Variants in FCHSD1 observed in about 807,000 individuals in gnomAD.
FCHSD1 encodes the protein FCH and double SH3 domains 1, also known as F-BAR and double SH3 domains protein 1.
A neutral mutation model predicts 101.3 loss-of-function variants in FCHSD1; 109 were observed. The ratio of observed to expected loss-of-function variants is 1.08; its 90% CI spans 0.92 to 1.26. The LOEUF (loss-of-function observed/expected upper bound fraction) is 1.26, where lower values mean the gene tolerates loss of function less well. Among genes scored for constraint, FCHSD1 ranks in the 50% most tolerant of loss-of-function variants. FCHSD1 has a pLI of 0.00. For missense variants in FCHSD1, 820 were observed against 895.8 expected, an observed-to-expected ratio of 0.92 and a Z score of 1.08; for synonymous variants, 291 against 356.8, an observed-to-expected ratio of 0.82 and a Z score of 2.08.
chr5:141,641,717 T>G lies in FCHSD1; in HGVS notation c.1992A>C (p.Ala664=), dbSNP rs757602874. The change falls in exon 19 of 20, where the codon GCA becomes GCC. Residue 664 remains alanine (A), a synonymous_variant. Transcript: ENST00000435817. The part of the protein sequence containing the change: ...LDFPGFLDMM[A]PRLRPMRPPP... ...GGGCCCTTACCGGCCTGAGTCGAGGTGCCATCATGTCCAGGAACCCAGGGA... is the reference window on the plus strand; with the variant it reads ...GGGCCCTTACCGGCCTGAGTCGAGGGGCCATCATGTCCAGGAACCCAGGGA... 6 of 1,613,856 alleles carry G rather than the reference T, an allele frequency of 3.7e-6. No homozygotes were observed. The highest frequency in any genetic ancestry group is 8.5e-7 in the Non-Finnish European group (1 of 1,179,896).
chr5:141,648,976 A>G lies in FCHSD1; in HGVS notation c.557T>C (p.Leu186Pro), dbSNP rs746006757. Residue 186 changes from leucine (L) to proline (P), a missense_variant, in exon 7 of 20, where the codon CTC becomes CCC. Leu to Pro is a moderately conservative substitution (Grantham distance 98, BLOSUM62 -3). Coordinates refer to ENST00000435817, the MANE Select transcript of FCHSD1 (RefSeq NM_033449.3). ...TCGAACCTTGGTGCTCAGTTTCTGG[A>G]GACTGGTCCGAGAGTGGAAGATCCC... ...DHGIFHSRTSLQKLSTKLSAQ... is the reference protein window; with the variant it reads ...DHGIFHSRTSPQKLSTKLSAQ... 6.2e-7 allele frequency: 1 copy of G among 1,613,882 alleles called. No individual in the cohort carries two copies. The highest frequency in any genetic ancestry group is 8.5e-7 in the Non-Finnish European group (1 of 1,179,870).
At chr5:141,641,825 G>A (rs1177573163) in intron 18 of FCHSD1, 68 bp from the exon 19 acceptor site, 64 of 1,468,246 alleles carry the variant, frequency 4.4e-5, no homozygotes, top group Non-Finnish European at 5.8e-5. Context: ...CCAGCACTTA[G>A]GACAGTGGCA....
At chr5:141,650,674 A>C (rs1401527941) in intron 2 of FCHSD1, among the ~76,000 whole-genome samples, 2 of 151,926 alleles carry the variant, frequency 1.3e-5, no homozygotes, top group Non-Finnish European at 2.9e-5. Flanking sequence ...AGAGGTGAAG[A>C]CTGATGGGGG....
chr5:141,644,894 C>A lies in FCHSD1; in HGVS notation c.1489G>T (p.Val497Phe), dbSNP rs1337370533. The change falls in exon 15 of 20, where the codon GTC (valine) becomes TTC (phenylalanine). Residue 497 changes from valine (V) to phenylalanine (F), a missense_variant. Coordinates refer to ENST00000435817, the MANE Select transcript of FCHSD1 (RefSeq NM_033449.3). ...TCGTCAGCATCTCCCTCCTCTATGA[C>A]CTCCAGCCACTCACCCTCCGTGATT... is the stretch of plus-strand genomic sequence containing the variant. ...LTITEGEWLE[V>F]IEEGDADEWV... The A allele has an allele frequency of 2.4e-5, 38 of 1,613,790 alleles. No homozygotes were observed. Among genetic ancestry groups the A allele is most frequent in the Non-Finnish European group, 2.8e-5 (33 of 1,179,878 alleles).
At position 141,646,594 on chromosome 5, in the gene FCHSD1, C is replaced by G; in HGVS notation, c.1044+9G>C. On this transcript the variant is annotated intron_variant, in intron 11 of 19. Transcript: ENST00000435817. ...AGGTGCACATGACACCTGTGCCCCC[C>G]CACCTCACCCGATGCCCATGGTTCT... is the stretch of plus-strand genomic sequence containing the variant. 1 of 1,609,640 alleles carries G rather than the reference C, an allele frequency of 6.2e-7. No homozygotes were observed. The highest frequency in any genetic ancestry group is 1.1e-5 in the South Asian group (1 of 90,150).
In FCHSD1 at chr5:141,649,608, C is replaced by T; in HGVS notation, c.234-72G>A. On this transcript the variant is annotated intron_variant, in intron 4 of 19. Transcript: ENST00000435817. The surrounding 1 kb of genome is among the most constrained non-coding windows in gnomAD (Gnocchi z 4.1). ...CATGAGACCACCCCCACCCCCTGCC[C>T]CCTGACCAACACCATGGGAGACAGA... 6.5e-7 allele frequency: 1 copy of T among 1,534,286 alleles called. No individual in the cohort carries two copies. Among genetic ancestry groups the T allele is most frequent in the Non-Finnish European group, 8.7e-7 (1 of 1,143,936 alleles).
chr5:141,648,065 T>A lies in FCHSD1; in HGVS notation c.608A>T (p.Gln203Leu), dbSNP rs765407743. 5.6e-6 allele frequency: 9 copies of A among 1,613,464 alleles called. No individual in the cohort carries two copies. The highest frequency in any genetic ancestry group is 1.7e-6 in the Non-Finnish European group (2 of 1,179,646). ...LSAQSAQYSQ[Q>L]LQAARNEYLL... ...GTACTCATTGCGGGCTGCTTGCAGC[T>A]GCTGGGAGTACTGGGCTGACTGGGC... The change falls in exon 8 of 20, where the codon CAG (glutamine) becomes CTG (leucine). Residue 203 changes from glutamine (Q) to leucine (L), a missense_variant. Gln to Leu is a moderately radical substitution (Grantham distance 113). Coordinates refer to ENST00000435817, the MANE Select transcript of FCHSD1 (RefSeq NM_033449.3).
chr5:141,644,543 G>T, intron 16 of FCHSD1, 30 bp downstream of exon 16: 1 of 1,611,794 alleles, frequency 6.2e-7, no homozygotes, highest in Non-Finnish European at 8.5e-7. Flanking sequence ...CATACCCAGG[G>T]TCCTCTAACC....
chr5:141,644,235 G>A lies in FCHSD1; in HGVS notation c.1846C>T (p.Leu616Phe). The A allele has an allele frequency of 6.2e-7, 1 of 1,612,372 alleles. No individual in the cohort carries two copies. The highest frequency in any genetic ancestry group is 1.7e-4 in the Middle Eastern group (1 of 6,048). ...AGCCTCACCTGTTCAGGGTCAGAGA[G>A]TTCAGGTGGCCCTGGGGGGCCAAGC... ...ELLGPPGPPE[L>F]SDPEQMLPSP... is the part of the protein sequence containing the mutation. The change falls in exon 17 of 20, where the codon CTC becomes TTC. Residue 616 changes from leucine to phenylalanine, a missense_variant. Coordinates refer to ENST00000435817, the MANE Select transcript of FCHSD1 (RefSeq NM_033449.3).
chr5:141,651,061 C>A lies in FCHSD1; in HGVS notation c.78G>T (p.Gln26His). The A allele has an allele frequency of 6.3e-7, 1 of 1,599,074 alleles. No homozygotes were observed. The highest frequency in any genetic ancestry group is 8.5e-7 in the Non-Finnish European group (1 of 1,172,538). The change falls in exon 2 of 20, where the codon CAG becomes CAT. Residue 26 changes from glutamine to histidine, a missense_variant. Physicochemically the swap from Gln to His is conservative, Grantham distance 24. Coordinates refer to ENST00000435817, the MANE Select transcript of FCHSD1 (RefSeq NM_033449.3). Reference sequence around the variant, plus strand: ...GATCCGCCTCCCTCTGCTGCCAGGTCTGAAGGATGCTCAGCTGTTCCAGGA... The same window carrying A: ...GATCCGCCTCCCTCTGCTGCCAGGTATGAAGGATGCTCAGCTGTTCCAGGA... ...LRFLEQLSILQTWQQREADLL... is the reference protein window; with the variant it reads ...LRFLEQLSILHTWQQREADLL...
Position 141,641,457 on chromosome 5 carries a change from A to T in FCHSD1, c.*41T>A. 1.4e-6 allele frequency: 2 copies of T among 1,432,370 alleles called. No individual in the cohort carries two copies. Among genetic ancestry groups the T allele is most frequent in the South Asian group, 1.6e-5 (1 of 62,298 alleles). The allele number at this position is 1,432,370 out of a possible 1,614,324, so 88.7% of individuals were successfully genotyped here. A position where few individuals can be genotyped will look rare whatever the true frequency, so the allele number is the denominator to read the frequency against. ...TGGTGTGGTCTGACAGCTTGAAGAT[A>T]GGGACAGCAGCATCACTGGGGGTCA... On this transcript the variant is annotated 3_prime_UTR_variant, in exon 20 of 20. Transcript: ENST00000435817.
rs759534950 is a variant in FCHSD1, at chr5:141,649,031, G to A, written c.513-11C>T. On this transcript the variant is annotated splice_polypyrimidine_tract_variant and intron_variant, in intron 6 of 19. Coordinates refer to ENST00000435817, the MANE Select transcript of FCHSD1 (RefSeq NM_033449.3). This position sits in a 1 kb window ranked among gnomAD's most constrained non-coding sequence, Gnocchi z 4.1. The stretch of plus-strand genomic sequence containing the variant: ...TCACTTCGGTTTAGCCTGTGCAGAT[G>A]AGAGAAAGGAGTCAGGCCCACCCCA... 2.1e-5 allele frequency: 34 copies of A among 1,613,824 alleles called. No homozygotes were observed. Among genetic ancestry groups the A allele is most frequent in the Non-Finnish European group, 2.4e-5 (28 of 1,179,882 alleles).
chr5:141,641,033 A>C lies in FCHSD1; in HGVS notation c.*465T>G. 2 of 360,346 alleles carry C rather than the reference A, an allele frequency of 5.6e-6. No individual in the cohort carries two copies. The highest frequency in any genetic ancestry group is 7.4e-4 in the Middle Eastern group (1 of 1,360). 22.3% of individuals were successfully genotyped at this position (360,346 alleles called of 1,614,324 possible). ...CCCTGGCCTGGCCTTCGTGCCCTTT[A>C]TTCATTGTCAATAAATCCGCTCAGA... is the stretch of plus-strand genomic sequence containing the variant. On this transcript the variant is annotated 3_prime_UTR_variant, in exon 20 of 20. Coordinates refer to ENST00000435817, the MANE Select transcript of FCHSD1 (RefSeq NM_033449.3).
chr5:141,639,436 C>G lies in FCHSD1; in HGVS notation c.*2062G>C. 1 of 1,555,754 alleles carries G rather than the reference C, an allele frequency of 6.4e-7. No homozygotes were observed. The highest frequency in any genetic ancestry group is 8.8e-7 in the Non-Finnish European group (1 of 1,142,368). On this transcript the variant is annotated 3_prime_UTR_variant, in exon 20 of 20. Transcript: ENST00000435817. The surrounding 1 kb of genome is among the most constrained non-coding windows in gnomAD (Gnocchi z 4.4). ...ACATGAAGGGAAATGGAAATGTTAC[C>G]CTCACTCCCCTCCTCCCTGCTGTCC...
chr5:141,649,355 C>T lies in FCHSD1; in HGVS notation c.375+40G>A, dbSNP rs1330511868. On this transcript the variant is annotated intron_variant, in intron 5 of 19. Transcript: ENST00000435817. The surrounding 1 kb of genome is among the most constrained non-coding windows in gnomAD (Gnocchi z 4.1). ...GTCCTTACCTAGACCACCTTTGGTC[C>T]CAAGCCAGCTCTTCCTTCACCCCAA... 1.2e-6 allele frequency: 2 copies of T among 1,613,720 alleles called. No individual in the cohort carries two copies. The highest frequency in any genetic ancestry group is 3.3e-5 in the Admixed American group (2 of 60,010).
Position 141,641,163 on chromosome 5 carries a change from A to C in FCHSD1, c.*335T>G. 1 of 334,686 alleles carries C rather than the reference A, an allele frequency of 3.0e-6. No individual in the cohort carries two copies. The highest frequency in any genetic ancestry group is 5.4e-6 in the Non-Finnish European group (1 of 184,400). The allele number at this position is 334,686 out of a possible 1,614,324, so 20.7% of individuals were successfully genotyped here. On this transcript the variant is annotated 3_prime_UTR_variant, in exon 20 of 20. Coordinates refer to ENST00000435817, the MANE Select transcript of FCHSD1 (RefSeq NM_033449.3). Reference sequence around the variant, plus strand: ...CCTGGCATCCAGAGTGGGGTGGGTCATGGAGCCAGGGTGGGGAAAGAGGTG... The same window carrying C: ...CCTGGCATCCAGAGTGGGGTGGGTCCTGGAGCCAGGGTGGGGAAAGAGGTG...
At position 141,646,117 on chromosome 5, in the gene FCHSD1, C is replaced by A. The variant is rs1307061508; in HGVS notation, c.1119G>T (p.Gln373His). 3 of 1,612,316 alleles carry A rather than the reference C, an allele frequency of 1.9e-6. No individual in the cohort carries two copies. Among genetic ancestry groups the A allele is most frequent in the Non-Finnish European group, 2.5e-6 (3 of 1,179,488 alleles). ...CCCGGCGGATGCTCTCTCGCACTTC[C>A]TGTAACCTCTGTTCTATGCTTGGAG... ...REAPSIEQRL[Q>H]EVRESIRRAQ... The change falls in exon 12 of 20, where the codon CAG becomes CAT. Residue 373 changes from glutamine to histidine, a missense_variant. Gln to His is a conservative substitution (Grantham distance 24, BLOSUM62 0). Coordinates refer to ENST00000435817, the MANE Select transcript of FCHSD1 (RefSeq NM_033449.3).
At chr5:141,644,522 C>T in intron 16 of FCHSD1, 51 bp downstream of exon 16, 2 of 1,609,588 alleles carry the variant, frequency 1.2e-6, no homozygotes, top group Non-Finnish European at 1.7e-6. Flanking sequence ...CAACCCCTAA[C>T]AATTTTTCTC....
rs552734693 is a variant in FCHSD1, at chr5:141,641,633, T to C, written c.2007+69A>G. 9.9e-6 allele frequency: 16 copies of C among 1,609,866 alleles called. No homozygotes were observed. In the African/African-American group the frequency reaches 2.0e-4, roughly 20 times the overall value. ...GTATCCCTGTCTATTCCCTCAGCCC[T>C]GCAGACAAAACAGGACTGGTTGGAA... On this transcript the variant is annotated intron_variant, in intron 19 of 19. Transcript: ENST00000435817.
Sources: allele counts gnomAD v4.1 joint callset (sites outside exome capture counted in the v4.1 genomes callset), GRCh38; gene constraint gnomAD v4.1.1; non-coding constraint Gnocchi (gnomAD v3.1); transcripts MANE v1.5; gene names NCBI Gene and HGNC (gene_info 2026-07-23, HGNC 2026-07-21).